The following PTPRK variants were observed in gnomAD, a reference collection of about 807,000 sequenced individuals.
PTPRK encodes protein tyrosine phosphatase receptor type K, also known as receptor-type tyrosine-protein phosphatase kappa.
PTPRK carries 75 observed loss-of-function variants against 178.0 expected under a neutral mutation model. That is an observed-to-expected ratio of 0.42 (90% CI 0.35 to 0.51). PTPRK has a LOEUF of 0.51. Among genes scored for constraint, PTPRK ranks in the 20% least tolerant of loss-of-function variants. The probability of loss-of-function intolerance (pLI) is 0.02; values close to 1 mark genes in which losing one functional copy is unlikely to be tolerated. For missense variants in PTPRK, 1,441 were observed against 1,797.8 expected, an observed-to-expected ratio of 0.80 and a Z score of 3.59; for synonymous variants, 637 against 620.6, an observed-to-expected ratio of 1.03 and a Z score of -0.39.
chr6:128,079,737 T>C (rs1784479695), intron 10 of PTPRK, among the ~76,000 whole-genome samples: 1 of 152,012 alleles, frequency 6.6e-6, no homozygotes, highest in African/African-American at 2.4e-5. Flanking sequence ...AGACAAAGCA[T>C]GGTCTCTGAT....
At chr6:128,343,324 A>T (rs569794289) in intron 2 of PTPRK, among the ~76,000 whole-genome samples, 9 of 152,098 alleles carry the variant, frequency 5.9e-5, no homozygotes, top group African/African-American at 2.2e-4. Context: ...ACATGGTGAG[A>T]CCCTGTTTCT....
intron 13 of PTPRK, among the ~76,000 whole-genome samples, chr6:128,026,172 A>G (rs760687204): frequency 2.0e-5 from 3 of 152,206 alleles, no homozygotes; most frequent in African/African-American, 7.2e-5. Flanking sequence ...ATCATCTGCC[A>G]TATTTGACAG....
intron 2 of PTPRK, among the ~76,000 whole-genome samples, chr6:128,387,110 C>CT (rs1562413114): frequency 6.6e-6 from 1 of 152,060 alleles, no homozygotes; most frequent in African/African-American, 2.4e-5. Context: ...AAGGATACCA[C>CT]TTTTTTGTTG....
intron 3 of PTPRK, among the ~76,000 whole-genome samples, chr6:128,260,715 A>G (rs1223009007): frequency 6.6e-6 from 1 of 152,186 alleles, no homozygotes; most frequent in Non-Finnish European, 1.5e-5. Flanking sequence ...AAATTATTTC[A>G]AAACAAGCTT....
chr6:128,153,493 T>C (rs1797563799), intron 7 of PTPRK, among the ~76,000 whole-genome samples: 1 of 152,026 alleles, frequency 6.6e-6, no homozygotes, highest in Admixed American at 6.6e-5. Flanking sequence ...AAAAAAGTGT[T>C]TTCCAGATTT....
Position 128,162,058 on chromosome 6 carries a change from A to G in PTPRK, c.1162+22374T>C, listed in dbSNP as rs537413831. Among the ~76,000 whole-genome samples the G allele has an allele frequency of 5.9e-4, 90 of 151,768 alleles. 2 individuals carry two copies. The South Asian group carries it at 0.018, about 31-fold the overall frequency. On this transcript the variant is annotated intron_variant, in intron 7 of 29. Transcript: ENST00000368226. ...AGACAATTTAGAGCTTACAAGGTTAACATCAGCACTACAAAAAGGAAATGG... is the reference window on the plus strand; with the variant it reads ...AGACAATTTAGAGCTTACAAGGTTAGCATCAGCACTACAAAAAGGAAATGG...
At chr6:128,290,808 G>T (rs775106517) in intron 3 of PTPRK, among the ~76,000 whole-genome samples, 6 of 152,020 alleles carry the variant, frequency 3.9e-5, no homozygotes, top group Non-Finnish European at 5.9e-5. Context: ...CAAAAACTAA[G>T]GGTGTAATAG....
At chr6:128,321,404 A>T (rs1251611526) in intron 3 of PTPRK, 1 of 204,748 alleles carries the variant, frequency 4.9e-6, no homozygotes, top group Non-Finnish European at 9.6e-6. Context: ...TAAAGTGGGT[A>T]CTGACACTAT....
chr6:128,030,345 G>A (rs550991695), intron 13 of PTPRK, among the ~76,000 whole-genome samples: 15 of 152,106 alleles, frequency 9.9e-5, no homozygotes, highest in African/African-American at 3.6e-4. Context: ...AACATACTCC[G>A]CTCTTTAAAA....
At chr6:128,499,706 C>G (rs969724344) in intron 1 of PTPRK, among the ~76,000 whole-genome samples, 2 of 152,164 alleles carry the variant, frequency 1.3e-5, no homozygotes, top group Admixed American at 1.3e-4. Flanking sequence ...ATTCTTTTTG[C>G]ATTGTGACTC....
intron 25 of PTPRK, among the ~76,000 whole-genome samples, chr6:127,977,974 T>C (rs1293153475): frequency 6.6e-6 from 1 of 152,230 alleles, no homozygotes; most frequent in Non-Finnish European, 1.5e-5. Context: ...ATTTGTATCA[T>C]ACTACTATTT....
chr6:128,406,784 C>T (rs530694455), intron 1 of PTPRK, among the ~76,000 whole-genome samples: 110 of 152,324 alleles, frequency 7.2e-4, no homozygotes, highest in African/African-American at 2.4e-3. Flanking sequence ...ATCACAGTAA[C>T]TTTCTCCTCA....
chr6:128,485,665 C>G (rs972570454), intron 1 of PTPRK, among the ~76,000 whole-genome samples: 2 of 152,068 alleles, frequency 1.3e-5, no homozygotes, highest in African/African-American at 4.8e-5. Context: ...CATGGAAGAG[C>G]GATGGAGTAG....
At chr6:128,136,789 AT>A (rs1317354246) in intron 7 of PTPRK, among the ~76,000 whole-genome samples, 1 of 152,182 alleles carries the variant, frequency 6.6e-6, no homozygotes, top group Non-Finnish European at 1.5e-5. Flanking sequence ...AAGAAAATGC[AT>A]TCTTCACTCT....
intron 3 of PTPRK, among the ~76,000 whole-genome samples, chr6:128,297,343 A>T (rs1239852296): frequency 6.6e-6 from 1 of 152,214 alleles, no homozygotes; most frequent in African/African-American, 2.4e-5. Context: ...AAGGATACCC[A>T]GGAATTGAAC....
intron 2 of PTPRK, among the ~76,000 whole-genome samples, chr6:128,336,907 G>GT (rs1260549460): frequency 2.0e-5 from 3 of 152,126 alleles, no homozygotes; most frequent in African/African-American, 7.2e-5. Context: ...TCAAGCACAA[G>GT]TAAGAATCAT....
chr6:128,348,255 A>T lies in PTPRK; in HGVS notation c.224-25945T>A, dbSNP rs558847574. ...TGAAAGAACGCAATATTAAGAAACA[A>T]ATCTGATTAAGCAAAGACCCAAAAT... is the stretch of plus-strand genomic sequence containing the variant. On this transcript the variant is annotated intron_variant, in intron 2 of 29. Coordinates refer to ENST00000368226, the MANE Select transcript of PTPRK (RefSeq NM_002844.4). 2.6e-5 allele frequency among the ~76,000 whole-genome samples: 4 copies of T among 152,096 alleles called. No individual in the cohort carries two copies. In the South Asian group the frequency reaches 8.3e-4, roughly 32 times the overall value.
At chr6:128,287,399 T>C (rs1369046979) in intron 3 of PTPRK, among the ~76,000 whole-genome samples, 1 of 152,200 alleles carries the variant, frequency 6.6e-6, no homozygotes, top group Non-Finnish European at 1.5e-5. Flanking sequence ...GTTTCATGTA[T>C]TCCACATTTT....
chr6:128,028,828 T>C (rs141451592), intron 13 of PTPRK, among the ~76,000 whole-genome samples: 302 of 152,346 alleles, frequency 2.0e-3, no homozygotes, highest in African/African-American at 7.2e-3. Flanking sequence ...GTTGATATGA[T>C]GCTTTGATGG....
Sources: allele counts gnomAD v4.1 joint callset (sites outside exome capture counted in the v4.1 genomes callset), GRCh38; gene constraint gnomAD v4.1.1; transcripts MANE v1.5; gene names NCBI Gene and HGNC (gene_info 2026-07-23, HGNC 2026-07-21).